SMAD3: variants seen among roughly 807,000 people sequenced by gnomAD.
The protein encoded by SMAD3 is MAD homolog 3.
In SMAD3, 12 loss-of-function variants were observed where a neutral mutation model predicts 51.8. The observed-to-expected ratio is 0.23, with a 90% CI of 0.15 to 0.38. SMAD3 has a LOEUF of 0.38. SMAD3 is among the 10% of genes least tolerant of loss of function. SMAD3 has a pLI of 1.00. For synonymous variants in SMAD3, 238 were observed against 227.7 expected, an observed-to-expected ratio of 1.05 and a Z score of -0.41; for missense variants, 294 against 565.6, an observed-to-expected ratio of 0.52 and a Z score of 4.87.
At chr15:67,082,962 A>G (rs1960309698) in intron 1 of SMAD3, among the ~76,000 whole-genome samples, 1 of 152,226 alleles carries the variant, frequency 6.6e-6, no homozygotes, top group Non-Finnish European at 1.5e-5. Flanking sequence ...TACTGATCCA[A>G]GAGGTGAGGG....
intron 1 of SMAD3, among the ~76,000 whole-genome samples, chr15:67,085,881 C>CACAG (rs1960379380): frequency 1.2e-5 from 1 of 83,358 alleles, no homozygotes; most frequent in African/African-American, 3.8e-5. Context: ...CACACACACA[C>CACAG]ACACACACAC....
intron 1 of SMAD3, chr15:67,138,176 C>T (rs192155466): frequency 8.8e-7 from 1 of 1,139,154 alleles, no homozygotes; most frequent in Non-Finnish European, 1.3e-6. Context: ...GGTTGCTGGC[C>T]AGAGATCTGT....
At chr15:67,069,062 G>T (rs915630098) in intron 1 of SMAD3, among the ~76,000 whole-genome samples, 1 of 152,172 alleles carries the variant, frequency 6.6e-6, no homozygotes, top group African/African-American at 2.4e-5. Flanking sequence ...TAAGCCAAGT[G>T]TGTTTTGGCT....
Position 67,190,902 on chromosome 15 carries a change from G to A in SMAD3, c.*366G>A, listed in dbSNP as rs1035968653. On this transcript the variant is annotated 3_prime_UTR_variant, in exon 9 of 9. Transcript: ENST00000327367. ...ACAGTCCAACCAGAAACACCCCTCT[G>A]TCTAGGACTGCAGTGTGGAGTTCAC... 2.6e-6 allele frequency: 1 copy of A among 382,502 alleles called. No homozygotes were observed. The highest frequency in any genetic ancestry group is 2.0e-5 in the African/African-American group (1 of 50,326). The allele number at this position is 382,502 out of a possible 1,614,324, so 23.7% of individuals were successfully genotyped here. A position where few individuals can be genotyped will look rare whatever the true frequency, so the allele number is the denominator to read the frequency against.
intron 1 of SMAD3, among the ~76,000 whole-genome samples, chr15:67,158,045 C>T (rs1425165698): frequency 6.6e-6 from 1 of 152,168 alleles, no homozygotes; most frequent in African/African-American, 2.4e-5. Flanking sequence ...TGAGACTGTA[C>T]TCCTAATGCT....
chr15:67,167,346 C>T (rs986605741), intron 4 of SMAD3, among the ~76,000 whole-genome samples: 1 of 152,104 alleles, frequency 6.6e-6, no homozygotes, highest in African/African-American at 2.4e-5. Flanking sequence ...GGGAGCTCAG[C>T]GTGGCTGGAG....
At chr15:67,183,009 A>G in intron 6 of SMAD3, among the ~76,000 whole-genome samples, 1 of 61,836 alleles carries the variant, frequency 1.6e-5, no homozygotes, top group Non-Finnish European at 3.0e-5. Flanking sequence ...AAATATATAT[A>G]TATATATATA....
At chr15:67,138,374 T>G in intron 1 of SMAD3, 2 of 435,364 alleles carry the variant, frequency 4.6e-6, no homozygotes. Flanking sequence ...AGGATGGAGC[T>G]TGCTTGCCAT....
rs759066131 is a variant in SMAD3, at chr15:67,129,626, G to A, written c.207-35269G>A. Among the ~76,000 whole-genome samples, 7 of 152,196 alleles carry A rather than the reference G, an allele frequency of 4.6e-5. No individual in the cohort carries two copies. In the South Asian group the frequency reaches 1.5e-3, roughly 32 times the overall value. ...AGGCATCCACTGGTGGTCTTGGAAC[G>A]TATTCCCCTCGGATAATTGCAATTA... On this transcript the variant is annotated intron_variant, in intron 1 of 8. Transcript: ENST00000327367.
At chr15:67,085,617 T>C (rs146611412) in intron 1 of SMAD3, among the ~76,000 whole-genome samples, 2,170 of 152,258 alleles carry the variant, frequency 0.014, 52 homozygotes, top group African/African-American at 0.05. Flanking sequence ...GTTGTTGGTG[T>C]TACCATGGAA....
At chr15:67,167,223 G>C (rs1962616329) in intron 4 of SMAD3, among the ~76,000 whole-genome samples, 1 of 152,202 alleles carries the variant, frequency 6.6e-6, no homozygotes, top group Admixed American at 6.5e-5. Flanking sequence ...CAAGCTGTTA[G>C]AGTGGGCAAG....
intron 1 of SMAD3, among the ~76,000 whole-genome samples, chr15:67,081,303 G>A (rs1252346185): frequency 6.6e-6 from 1 of 152,158 alleles, no homozygotes; most frequent in East Asian, 1.9e-4. Context: ...GGGATGACTA[G>A]GCCATCTTGT....
chr15:67,107,203 G>C (rs1486313317), intron 1 of SMAD3, among the ~76,000 whole-genome samples: 2 of 152,080 alleles, frequency 1.3e-5, no homozygotes, highest in Non-Finnish European at 2.9e-5. Context: ...GAAGATTTTA[G>C]TGTAGTCAGT....
chr15:67,177,608 AGACGGGGTTT>A (rs1244200564), intron 5 of SMAD3, among the ~76,000 whole-genome samples: 1 of 151,802 alleles, frequency 6.6e-6, no homozygotes, highest in Non-Finnish European at 1.5e-5. Flanking sequence ...TTTTTAGTAG[AGACGGGGTTT>A]CGCCAGGTTG....
chr15:67,092,332 A>G (rs1960524526), intron 1 of SMAD3, among the ~76,000 whole-genome samples: 1 of 152,158 alleles, frequency 6.6e-6, no homozygotes, highest in Non-Finnish European at 1.5e-5. Flanking sequence ...TCATAATTAC[A>G]CATATTTTAT....
intron 1 of SMAD3, among the ~76,000 whole-genome samples, chr15:67,136,771 C>G (rs1961674416): frequency 6.6e-6 from 1 of 152,202 alleles, no homozygotes; most frequent in Admixed American, 6.5e-5. Context: ...GCTGACTGCC[C>G]TATTACCCCA....
At chr15:67,178,475 C>G (rs1271044090) in intron 5 of SMAD3, among the ~76,000 whole-genome samples, 4 of 152,174 alleles carry the variant, frequency 2.6e-5, no homozygotes, top group African/African-American at 9.7e-5. Flanking sequence ...AGAGAATGAT[C>G]TAGGTGGTCA....
At chr15:67,097,047 C>T (rs1284163891) in intron 1 of SMAD3, among the ~76,000 whole-genome samples, 1 of 152,226 alleles carries the variant, frequency 6.6e-6, no homozygotes, top group East Asian at 1.9e-4. Flanking sequence ...CCTAGTTTGA[C>T]TCTTAACTCA....
chr15:67,156,668 C>A (rs200888856), intron 1 of SMAD3, among the ~76,000 whole-genome samples: 1 of 148,678 alleles, frequency 6.7e-6, no homozygotes, highest in African/African-American at 2.5e-5. Flanking sequence ...AAAAACCCAG[C>A]AGCTTAAATC....
Sources: allele counts gnomAD v4.1 joint callset (sites outside exome capture counted in the v4.1 genomes callset), GRCh38; gene constraint gnomAD v4.1.1; transcripts MANE v1.5; gene names NCBI Gene and HGNC (gene_info 2026-07-23, HGNC 2026-07-21).